EPG5: variants seen among roughly 807,000 people sequenced by gnomAD.
EPG5 encodes the protein ectopic P granules protein 5 homolog.
Under a neutral mutation model 302.7 loss-of-function variants are expected in EPG5, and 159 were observed. The ratio of observed to expected loss-of-function variants is 0.53; its 90% CI spans 0.46 to 0.60. EPG5 has a LOEUF of 0.60. EPG5 is among the 20% of genes least tolerant of loss of function. The probability of loss-of-function intolerance (pLI) is 0.00; values close to 1 mark genes in which losing one functional copy is unlikely to be tolerated. For missense variants in EPG5, 2,896 were observed against 3,092.4 expected, an observed-to-expected ratio of 0.94 and a Z score of 1.51; for synonymous variants, 1,158 against 1,136.8, an observed-to-expected ratio of 1.02 and a Z score of -0.37.
At chr18:45,915,455 A>T (rs2050007020) in intron 20 of EPG5, 56 bp downstream of exon 20, 1 of 1,219,694 alleles carries the variant, frequency 8.2e-7, no homozygotes, top group Admixed American at 1.8e-5. Flanking sequence ...TGTAAGGATG[A>T]TCATGAGATT....
intron 30 of EPG5, among the ~76,000 whole-genome samples, 198 bp downstream of exon 30, chr18:45,884,419 A>G (rs1260382345): frequency 6.6e-6 from 1 of 152,166 alleles, no homozygotes; most frequent in African/African-American, 2.4e-5. Context: ...ACTGCTATAC[A>G]AGACAACCAA....
intron 10 of EPG5, among the ~76,000 whole-genome samples, chr18:45,939,251 C>G (rs1045497179): frequency 6.6e-6 from 1 of 152,182 alleles, no homozygotes; most frequent in Non-Finnish European, 1.5e-5. Flanking sequence ...ATGCTGCACA[C>G]CTACTGCGTC....
rs1367726599 is a variant in EPG5 at position 45,878,430 on chromosome 18, G to T, written c.5888C>A (p.Ser1963Ter). The change falls in exon 34 of 44, where the codon TCA (serine) becomes TAA (stop). Residue 1963 changes from serine to a stop codon, truncating the protein, a stop_gained. Coordinates refer to ENST00000282041, the MANE Select transcript of EPG5 (RefSeq NM_020964.3). LOFTEE classifies it high-confidence loss of function. ...TGGCTTAAAGAGCTGAATGATTACTGAATGTAGGGATTTCAGCACTAAAAA... is the reference window on the plus strand; with the variant it reads ...TGGCTTAAAGAGCTGAATGATTACTTAATGTAGGGATTTCAGCACTAAAAA... ...SRKTVLKSLHSVIIQLFKPWI... is the reference protein window; with the variant it reads ...SRKTVLKSLH 6.2e-7 allele frequency: 1 copy of T among 1,611,718 alleles called. No homozygotes were observed. The highest frequency in any genetic ancestry group is 8.5e-7 in the Non-Finnish European group (1 of 1,178,726).
intron 30 of EPG5, 66 bp from the exon 31 acceptor site, chr18:45,882,553 G>A: frequency 7.4e-7 from 1 of 1,358,270 alleles, no homozygotes; most frequent in Non-Finnish European, 1.0e-6. Flanking sequence ...GAGGAGAGAG[G>A]TCTGTGTAAA....
chr18:45,914,343 T>C (rs2049979484), intron 20 of EPG5, among the ~76,000 whole-genome samples: 1 of 152,198 alleles, frequency 6.6e-6, no homozygotes. Context: ...GGGATGTGTC[T>C]AGGTAACAGC....
chr18:45,953,374 C>G, intron 2 of EPG5: 2 of 985,016 alleles, frequency 2.0e-6, no homozygotes, highest in Non-Finnish European at 2.4e-6. Context: ...ACACACTCCA[C>G]CAGCTGTGTT....
At chr18:45,917,499 C>T (rs1020070500) in intron 17 of EPG5, among the ~76,000 whole-genome samples, 180 bp downstream of exon 17, 2 of 152,146 alleles carry the variant, frequency 1.3e-5, no homozygotes, top group African/African-American at 4.8e-5. Context: ...AAACTGGAGT[C>T]ATTATTAGAA....
chr18:45,831,812 A>G, the EPG5 span, among the ~76,000 whole-genome samples: 1 of 150,242 alleles, frequency 6.7e-6, no homozygotes, highest in South Asian at 2.1e-4. Context: ...ATCTCGGCTC[A>G]CTGCAGCCTC....
At chr18:45,825,901 G>A in the EPG5 span, 1 of 1,194,210 alleles carries the variant, frequency 8.4e-7, no homozygotes, top group Non-Finnish European at 1.2e-6. Flanking sequence ...GCCTGTGGAG[G>A]AGGAAGAGCT....
At chr18:45,807,060 G>T in the EPG5 span, among the ~76,000 whole-genome samples, 1 of 152,206 alleles carries the variant, frequency 6.6e-6, no homozygotes, top group Non-Finnish European at 1.5e-5. Flanking sequence ...AGTGAGACCA[G>T]CCCTTCGGAT....
chr18:45,837,054 T>C, the EPG5 span: 13 of 1,545,934 alleles, frequency 8.4e-6, no homozygotes, highest in Non-Finnish European at 1.2e-5. Flanking sequence ...CTAAAATAGA[T>C]ACTACGGAGA....
intron 6 of EPG5, 87 bp from the exon 7 acceptor site, chr18:45,946,855 C>T: frequency 2.0e-6 from 2 of 997,698 alleles, no homozygotes; most frequent in East Asian, 2.4e-5. Flanking sequence ...GAAGAAGAGC[C>T]ACACATCATC....
the EPG5 span, among the ~76,000 whole-genome samples, chr18:45,835,315 G>A: frequency 6.6e-6 from 1 of 152,186 alleles, no homozygotes; most frequent in African/African-American, 2.4e-5. Flanking sequence ...GTGCACTAGA[G>A]AGAAAAAGTA....
At chr18:45,912,596 C>CGGCCGGGCGCGGTGGCTCACGCCTGTA in intron 21 of EPG5, 140 bp from the exon 22 acceptor site, 1 of 890,730 alleles carries the variant, frequency 1.1e-6, no homozygotes, top group East Asian at 2.8e-5. Context: ...ACATAAAACT[C>CGGCCGGGCGCGGTGGCTCACGCCTGTA]ACTTCTCCAA....
intron 24 of EPG5, among the ~76,000 whole-genome samples, chr18:45,906,784 C>T (rs961353527): frequency 3.9e-5 from 6 of 151,904 alleles, no homozygotes; most frequent in Admixed American, 2.6e-4. Context: ...CCTCCTGAGT[C>T]GATGGGATTA....
rs562098384 is a variant in EPG5 at position 45,952,548 on chromosome 18, G to A, written c.1104C>T (p.Phe368=). The A allele has an allele frequency of 3.5e-5, 56 of 1,614,114 alleles. No individual in the cohort carries two copies. Among genetic ancestry groups the A allele is most frequent in the South Asian group, 2.5e-4 (23 of 91,082 alleles). ...ENALVELKKL[F]DAKSEHLHQT... The stretch of plus-strand genomic sequence containing the variant: ...GGTGGAGGTGCTCAGATTTGGCATC[G>A]AATAGCTTCTTTAGCTCCACCAGTG... The change falls in exon 3 of 44, where the codon TTC becomes TTT. Residue 368 remains phenylalanine, a synonymous_variant. Coordinates refer to ENST00000282041, the MANE Select transcript of EPG5 (RefSeq NM_020964.3).
At chr18:45,952,712 G>A in intron 2 of EPG5, 69 bp from the exon 3 acceptor site, 1 of 1,546,140 alleles carries the variant, frequency 6.5e-7, no homozygotes. Flanking sequence ...CAGGCAGCAA[G>A]TATAAGGTAC....
At position 45,901,105 on chromosome 18, in the gene EPG5, G is replaced by A. The variant is rs1218370856; in HGVS notation, c.4537C>T (p.His1513Tyr). ...HEAPQPPLAL[H>Y]PTKPPVPVIS... ...ACTGGCACAGGAGGCTTCGTCGGGT[G>A]CAGAGCAAGGGGAGGCTGGGGAGCC... Residue 1513 changes from histidine (H) to tyrosine (Y), a missense_variant, in exon 26 of 44, where the codon CAC becomes TAC. His to Tyr is a moderately conservative substitution (Grantham distance 83). Around this residue, in one of 5 missense-constraint regions of EPG5, gnomAD observed 790 missense variants for 798.0 expected, o/e 0.99. Transcript: ENST00000282041. 3 of 1,614,182 alleles carry A rather than the reference G, an allele frequency of 1.9e-6. No individual in the cohort carries two copies. The highest frequency in any genetic ancestry group is 2.5e-6 in the Non-Finnish European group (3 of 1,180,018).
chr18:45,889,514 A>G (rs2049292864), intron 28 of EPG5, among the ~76,000 whole-genome samples: 2 of 152,204 alleles, frequency 1.3e-5, no homozygotes, highest in South Asian at 4.1e-4. Flanking sequence ...AGGGCCAGAT[A>G]GTTAATATTT....
Sources: gnomAD v4.1 joint callset for allele counts (sites outside exome capture counted in the v4.1 genomes callset) on GRCh38, gnomAD v4.1.1 for gene constraint, gnomAD v4.1.1 regional missense constraint, MANE v1.5 for transcripts, NCBI Gene and HGNC (gene_info 2026-07-23, HGNC 2026-07-21) for gene names.